TANGO6: variants seen among roughly 807,000 people sequenced by gnomAD.
The protein encoded by TANGO6 is transport and Golgi organization protein 6 homolog.
TANGO6 carries 90 observed loss-of-function variants against 114.2 expected under a neutral mutation model. The observed-to-expected ratio is 0.79, with a 90% CI of 0.66 to 0.94. The LOEUF (loss-of-function observed/expected upper bound fraction) is 0.94. Among genes scored for constraint, TANGO6 ranks in the 40% least tolerant of loss-of-function variants. The pLI is 0.00. For missense variants in TANGO6, 1,274 were observed against 1,315.3 expected, an observed-to-expected ratio of 0.97 and a Z score of 0.49; for synonymous variants, 477 against 509.8, an observed-to-expected ratio of 0.94 and a Z score of 0.87.
intron 15 of TANGO6, among the ~76,000 whole-genome samples, chr16:69,001,373 C>A (rs1454831729): frequency 6.6e-6 from 1 of 152,184 alleles, no homozygotes; most frequent in Non-Finnish European, 1.5e-5. Flanking sequence ...AATCTTTAAA[C>A]TCCCTTTATT....
At chr16:68,851,135 A>T (rs530757063) in intron 1 of TANGO6, among the ~76,000 whole-genome samples, 46 of 151,766 alleles carry the variant, frequency 3.0e-4, no homozygotes, top group Non-Finnish European at 5.3e-4. Context: ...TACTATATAT[A>T]TTTTTTTCTG....
chr16:69,000,547 C>CT (rs1334460505), intron 15 of TANGO6, among the ~76,000 whole-genome samples: 1 of 152,046 alleles, frequency 6.6e-6, no homozygotes, highest in African/African-American at 2.4e-5. Flanking sequence ...TTTCTCTCCT[C>CT]TTTTTTTCCT....
intron 7 of TANGO6, among the ~76,000 whole-genome samples, chr16:68,899,702 C>T (rs1241440631): frequency 1.3e-5 from 2 of 151,922 alleles, no homozygotes; most frequent in Non-Finnish European, 2.9e-5. Flanking sequence ...TGGGCTCAAG[C>T]GATCCTCCTG....
intron 15 of TANGO6, among the ~76,000 whole-genome samples, chr16:68,990,294 G>A (rs1485776107): frequency 6.6e-6 from 1 of 152,158 alleles, no homozygotes; most frequent in Non-Finnish European, 1.5e-5. Flanking sequence ...CCACATTGCT[G>A]GGGAGGCCTC....
chr16:69,012,355 G>A (rs970395951), intron 15 of TANGO6, among the ~76,000 whole-genome samples: 3 of 151,948 alleles, frequency 2.0e-5, no homozygotes, highest in African/African-American at 7.3e-5. Flanking sequence ...TTGGGAGTTC[G>A]AGACCAGCCT....
intron 1 of TANGO6, among the ~76,000 whole-genome samples, chr16:68,848,265 A>C (rs1443124685): frequency 6.6e-6 from 1 of 152,084 alleles, no homozygotes; most frequent in East Asian, 1.9e-4. Flanking sequence ...TCACTGTGAC[A>C]GCTTTCCTTT....
rs2152157206 is a variant in TANGO6 at position 68,860,285 on chromosome 16, G to A, written c.496G>A (p.Gly166Arg). 4 of 1,613,928 alleles carry A rather than the reference G, an allele frequency of 2.5e-6. No individual in the cohort carries two copies. The East Asian group carries it at 8.9e-5, about 36-fold the overall frequency. The change falls in exon 2 of 18, where the codon GGA (glycine) becomes AGA (arginine). Residue 166 changes from glycine to arginine, a missense_variant. Gly to Arg is a moderately radical substitution (Grantham distance 125). Coordinates refer to ENST00000261778, the MANE Select transcript of TANGO6 (RefSeq NM_024562.2). ...CTGCCCCTATCTCATGCCTGGTGTT[G>A]GAGTCCCTTTGAGATATAGAACTGA... ...GICPYLMPGV[G>R]VPLRYRTEFG...
At chr16:68,903,477 G>A (rs1445158332) in intron 9 of TANGO6, among the ~76,000 whole-genome samples, 1 of 150,638 alleles carries the variant, frequency 6.6e-6, no homozygotes, top group Non-Finnish European at 1.5e-5. Context: ...AAATTAGCCA[G>A]GCATGGTAGT....
At position 68,932,133 on chromosome 16, in the gene TANGO6, C is replaced by T. The variant is rs532570591; in HGVS notation, c.2701+1838C>T. Among the ~76,000 whole-genome samples, 5 of 152,154 alleles carry T rather than the reference C, an allele frequency of 3.3e-5. No individual in the cohort carries two copies. In the East Asian group the frequency reaches 9.6e-4, roughly 29 times the overall value. ...GAGACGGAGTTTCACTCTTGTTGCC[C>T]AGACTGGAGTGCAATGGCACAATCT... is the stretch of plus-strand genomic sequence containing the variant. On this transcript the variant is annotated intron_variant, in intron 14 of 17. Coordinates refer to ENST00000261778, the MANE Select transcript of TANGO6 (RefSeq NM_024562.2).
chr16:68,944,143 G>C (rs1452690418), intron 14 of TANGO6, among the ~76,000 whole-genome samples: 2 of 152,290 alleles, frequency 1.3e-5, no homozygotes, highest in Admixed American at 1.3e-4. Flanking sequence ...ACAACAGACT[G>C]CATGATCCCT....
At chr16:69,079,245 G>A (rs1040765598) in intron 17 of TANGO6, among the ~76,000 whole-genome samples, 1 of 151,778 alleles carries the variant, frequency 6.6e-6, no homozygotes, top group South Asian at 2.1e-4. Flanking sequence ...CAAGAGAATC[G>A]CTTGAACCCG....
At chr16:68,942,604 A>G (rs1256632085) in intron 14 of TANGO6, among the ~76,000 whole-genome samples, 2 of 152,210 alleles carry the variant, frequency 1.3e-5, no homozygotes, top group African/African-American at 2.4e-5. Flanking sequence ...CAATTTAGAT[A>G]CATCAAGGAA....
At chr16:69,050,883 C>T (rs28662888) in intron 17 of TANGO6, among the ~76,000 whole-genome samples, 2 of 152,024 alleles carry the variant, frequency 1.3e-5, no homozygotes, top group African/African-American at 4.8e-5. Flanking sequence ...CCTCAGCCTC[C>T]CAAAGTGCTG....
intron 4 of TANGO6, among the ~76,000 whole-genome samples, chr16:68,868,564 C>T (rs755898181): frequency 7.4e-6 from 1 of 135,424 alleles, no homozygotes; most frequent in South Asian, 2.3e-4. Flanking sequence ...GTGGCGTGAT[C>T]TTGGCTCATT....
chr16:68,879,032 C>T (rs1009320990), intron 6 of TANGO6, among the ~76,000 whole-genome samples: 1 of 152,092 alleles, frequency 6.6e-6, no homozygotes, highest in African/African-American at 2.4e-5. Context: ...GCCATAATCA[C>T]ACCTCTGCAC....
chr16:69,007,462 G>A (rs1341926818), intron 15 of TANGO6, among the ~76,000 whole-genome samples: 1 of 151,464 alleles, frequency 6.6e-6, no homozygotes, highest in Admixed American at 6.6e-5. Context: ...GTAGAGACGG[G>A]TTTCACTGTG....
At chr16:69,037,783 C>CACTT (rs1222196966) in intron 16 of TANGO6, among the ~76,000 whole-genome samples, 1 of 152,212 alleles carries the variant, frequency 6.6e-6, no homozygotes, top group Non-Finnish European at 1.5e-5. Context: ...GATTTTCCTT[C>CACTT]ACTTGCAAGC....
At chr16:68,882,606 TC>T (rs1335009058) in intron 7 of TANGO6, among the ~76,000 whole-genome samples, 22 of 152,164 alleles carry the variant, frequency 1.4e-4, no homozygotes, top group African/African-American at 5.1e-4. Context: ...ACGGAAAGGT[TC>T]TAAAATTGTA....
chr16:68,945,430 G>A (rs1963403506), intron 14 of TANGO6, among the ~76,000 whole-genome samples: 2 of 152,072 alleles, frequency 1.3e-5, no homozygotes, highest in Non-Finnish European at 2.9e-5. Context: ...AGCTGGGCTT[G>A]TAGGGAATTA....
Sources: gnomAD v4.1 joint callset for allele counts (sites outside exome capture counted in the v4.1 genomes callset) on GRCh38, gnomAD v4.1.1 for gene constraint, MANE v1.5 for transcripts, NCBI Gene and HGNC (gene_info 2026-07-23, HGNC 2026-07-21) for gene names.